Variants in MGAT5 observed in about 807,000 individuals in gnomAD.
The protein encoded by MGAT5 is alpha-1,6-mannosylglycoprotein 6-beta-N-acetylglucosaminyltransferase, also known as alpha-1,6-mannosylglycoprotein 6-beta-N-acetylglucosaminyltransferase A.
A neutral mutation model predicts 94.3 loss-of-function variants in MGAT5; 30 were observed. The ratio of observed to expected loss-of-function variants is 0.32; its 90% CI spans 0.24 to 0.43. The LOEUF is 0.43. MGAT5 is among the 20% of genes least tolerant of loss of function. The pLI, the probability that MGAT5 is intolerant of heterozygous loss-of-function variation, is 1.00. For missense variants in MGAT5, 691 were observed against 905.5 expected, an observed-to-expected ratio of 0.76 and a Z score of 3.04; for synonymous variants, 310 against 322.9, an observed-to-expected ratio of 0.96 and a Z score of 0.43.
At chr2:134,194,092 A>G (rs1187161058) in intron 1 of MGAT5, among the ~76,000 whole-genome samples, 2 of 152,192 alleles carry the variant, frequency 1.3e-5, no homozygotes, top group African/African-American at 4.8e-5. Context: ...TGCCAGTGGC[A>G]ATTTGCATTT....
chr2:134,121,489 G>A lies in MGAT5; in HGVS notation c.-143+1198G>A, dbSNP rs545538702. Among the ~76,000 whole-genome samples the A allele has an allele frequency of 2.3e-4, 35 of 152,354 alleles. No homozygotes were observed. The South Asian group carries it at 7.2e-3, about 32-fold the overall frequency. On this transcript the variant is annotated intron_variant, in intron 1 of 16. Transcript: ENST00000409645. Reference sequence around the variant, plus strand: ...GTCCAGAGGCGTTTGGAGCGCAGAGGGGGTGCTTGGCTCCTCAGGGCTGCG... The same window carrying A: ...GTCCAGAGGCGTTTGGAGCGCAGAGAGGGTGCTTGGCTCCTCAGGGCTGCG...
Position 134,449,148 on chromosome 2 carries a change from A to C in MGAT5, c.*301A>C, listed in dbSNP as rs185892174. ...ACTGCAGCTGCTCCAGGGCAAAAGA[A>C]AGTCTCAAGAGTCCTTTAAAACAAA... On this transcript the variant is annotated 3_prime_UTR_variant, in exon 16 of 16. Coordinates refer to ENST00000281923, the MANE Select transcript of MGAT5 (RefSeq NM_002410.5). 5.0e-5 allele frequency: 20 copies of C among 396,996 alleles called. No homozygotes were observed. In the Admixed American group the frequency reaches 7.8e-4, roughly 16 times the overall value. 24.6% of individuals were successfully genotyped at this position (396,996 alleles called of 1,614,324 possible). A position where few individuals can be genotyped will look rare whatever the true frequency, so the allele number is the denominator to read the frequency against.
chr2:134,420,751 A>T (rs562560020), intron 12 of MGAT5, among the ~76,000 whole-genome samples: 15 of 152,346 alleles, frequency 9.8e-5, no homozygotes, highest in Admixed American at 2.0e-4. Context: ...TAAATATGAG[A>T]TGAAATTTGT....
chr2:134,282,595 T>C (rs776785331), intron 2 of MGAT5, among the ~76,000 whole-genome samples: 6 of 152,196 alleles, frequency 3.9e-5, no homozygotes, highest in Non-Finnish European at 8.8e-5. Context: ...CAAGTGCCTG[T>C]TCTGTGCCAG....
intron 2 of MGAT5, among the ~76,000 whole-genome samples, chr2:134,277,663 A>G (rs1684461524): frequency 6.6e-6 from 1 of 152,246 alleles, no homozygotes; most frequent in Non-Finnish European, 1.5e-5. Flanking sequence ...TCTTAGAAAC[A>G]TGCTTGGCAT....
chr2:134,405,050 A>G (rs115092973), intron 11 of MGAT5, among the ~76,000 whole-genome samples: 122 of 152,372 alleles, frequency 8.0e-4, no homozygotes, highest in Middle Eastern at 3.4e-3. Flanking sequence ...ACACACTTTT[A>G]TTAACCCAAC....
chr2:134,441,205 T>C (rs919089448), intron 14 of MGAT5, among the ~76,000 whole-genome samples: 4 of 152,160 alleles, frequency 2.6e-5, no homozygotes, highest in African/African-American at 9.6e-5. Flanking sequence ...GTGTCAGAAG[T>C]GTCTGCAGTC....
intron 1 of MGAT5, among the ~76,000 whole-genome samples, chr2:134,267,069 A>G (rs1003054045): frequency 6.6e-6 from 1 of 152,196 alleles, no homozygotes; most frequent in African/African-American, 2.4e-5. Flanking sequence ...GGACAGGGAC[A>G]TGAGTGAGTC....
chr2:134,354,432 A>G (rs1679591992), intron 9 of MGAT5, among the ~76,000 whole-genome samples: 1 of 152,192 alleles, frequency 6.6e-6, no homozygotes, highest in African/African-American at 2.4e-5. Flanking sequence ...ATAAAGAAAA[A>G]TACACCATTG....
intron 2 of MGAT5, among the ~76,000 whole-genome samples, chr2:134,270,984 T>C (rs1197092799): frequency 6.6e-6 from 1 of 152,154 alleles, no homozygotes; most frequent in Non-Finnish European, 1.5e-5. Context: ...CGAAAATGCC[T>C]CCTATGTATA....
upstream of MGAT5, among the ~76,000 whole-genome samples, chr2:134,252,836 G>A (rs917368761): frequency 6.6e-6 from 1 of 152,164 alleles, no homozygotes; most frequent in African/African-American, 2.4e-5. Flanking sequence ...GATGATGTAG[G>A]GAAGGTGGGG....
At chr2:134,293,670 A>G (rs1040862014) in intron 2 of MGAT5, among the ~76,000 whole-genome samples, 2 of 152,054 alleles carry the variant, frequency 1.3e-5, no homozygotes, top group East Asian at 1.9e-4. Flanking sequence ...AGATTTCACC[A>G]TGTTGCCCAG....
At chr2:134,360,290 C>T (rs1378180544) in intron 9 of MGAT5, among the ~76,000 whole-genome samples, 1 of 152,192 alleles carries the variant, frequency 6.6e-6, no homozygotes, top group Non-Finnish European at 1.5e-5. Flanking sequence ...ATTTGCTTCT[C>T]CCTCTCACCA....
At chr2:134,224,498 C>T (rs1417126270) in intron 1 of MGAT5, among the ~76,000 whole-genome samples, 1 of 152,078 alleles carries the variant, frequency 6.6e-6, no homozygotes, top group Non-Finnish European at 1.5e-5. Context: ...CTGTGGCCCC[C>T]AAATATTAGG....
chr2:134,312,806 T>C (rs1228925384), intron 2 of MGAT5, among the ~76,000 whole-genome samples: 1 of 152,180 alleles, frequency 6.6e-6, no homozygotes, highest in Non-Finnish European at 1.5e-5. Flanking sequence ...CTGAGGATTT[T>C]AAAGGCTTTC....
intron 14 of MGAT5, among the ~76,000 whole-genome samples, chr2:134,429,895 A>G (rs1684793770): frequency 6.6e-6 from 1 of 152,154 alleles, no homozygotes; most frequent in South Asian, 2.1e-4. Flanking sequence ...TAATAACCCC[A>G]TTATCTGGAT....
rs773473382 is a variant in MGAT5, at chr2:134,287,218, G to A, written c.406+16668G>A. 9.9e-5 allele frequency among the ~76,000 whole-genome samples: 15 copies of A among 151,986 alleles called. No individual in the cohort carries two copies. The South Asian group carries it at 1.9e-3, about 19-fold the overall frequency. On this transcript the variant is annotated intron_variant, in intron 2 of 15. Transcript: ENST00000281923. ...ATTTTCACAACTTTACATCCAGCTC[G>A]TCTCCTGAATTTAATTCTTCTATTT... is the stretch of plus-strand genomic sequence containing the variant.
At chr2:134,344,566 A>G (rs1055698651) in intron 7 of MGAT5, among the ~76,000 whole-genome samples, 1 of 152,106 alleles carries the variant, frequency 6.6e-6, no homozygotes, top group Non-Finnish European at 1.5e-5. Flanking sequence ...CTGGTATCCA[A>G]TGTTCTTTGT....
chr2:134,253,120 A>G (rs1682718535), upstream of MGAT5: 1 of 152,234 alleles, frequency 6.6e-6, no homozygotes, highest in Non-Finnish European at 1.5e-5. Flanking sequence ...TAAGAGGCAG[A>G]CCAACAGTGA....
Sources: gnomAD v4.1 joint callset for allele counts (sites outside exome capture counted in the v4.1 genomes callset) on GRCh38, gnomAD v4.1.1 for gene constraint, MANE v1.5 for transcripts, NCBI Gene and HGNC (gene_info 2026-07-23, HGNC 2026-07-21) for gene names.